Variants in CYTH3 observed in about 807,000 individuals in gnomAD.
The protein encoded by CYTH3 is cytohesin 3.
In CYTH3, 23 loss-of-function variants were observed where a neutral mutation model predicts 55.1. The ratio of observed to expected loss-of-function variants is 0.42; its 90% CI spans 0.30 to 0.59. The LOEUF (loss-of-function observed/expected upper bound fraction) is 0.59. Among genes scored for constraint, CYTH3 ranks in the 20% least tolerant of loss-of-function variants. CYTH3 has a pLI of 0.20. For synonymous variants in CYTH3, 249 were observed against 194.9 expected (o/e 1.28, Z -2.31); for missense variants, 413 against 524.8 (o/e 0.79, Z 2.08).
At chr7:6,196,635 G>GT (rs1035876040) in intron 1 of CYTH3, among the ~76,000 whole-genome samples, 17 of 151,724 alleles carry the variant, frequency 1.1e-4, no homozygotes, top group African/African-American at 4.1e-4. Flanking sequence ...AATTTTCTAT[G>GT]TTTTTAGTAG....
chr7:6,269,169 G>C (rs1341426063), intron 1 of CYTH3, among the ~76,000 whole-genome samples: 1 of 152,136 alleles, frequency 6.6e-6, no homozygotes, highest in Non-Finnish European at 1.5e-5. Context: ...GCAGGGGTGA[G>C]TCCCTGCAGG....
rs543591700 is a variant in CYTH3 at position 6,186,918 on chromosome 7, T to A, written c.249+132A>T. On this transcript the variant is annotated intron_variant, in intron 4 of 12. Transcript: ENST00000350796. ...GCGAAAAGCCCCTTTTTGATAAAAATGTGCCTTCAACTCCCAGTCTTTTAT... is the reference window on the plus strand; with the variant it reads ...GCGAAAAGCCCCTTTTTGATAAAAAAGTGCCTTCAACTCCCAGTCTTTTAT... 9 of 879,424 alleles carry A rather than the reference T, an allele frequency of 1.0e-5. No individual in the cohort carries two copies. In the East Asian group the frequency reaches 1.7e-4, roughly 17 times the overall value. 54.5% of individuals were successfully genotyped at this position (879,424 alleles called of 1,614,324 possible).
intron 1 of CYTH3, among the ~76,000 whole-genome samples, chr7:6,229,045 G>C (rs969602084): frequency 6.6e-6 from 1 of 152,150 alleles, no homozygotes; most frequent in African/African-American, 2.4e-5. Flanking sequence ...CACCCCCTCT[G>C]AGCAGAGGGA....
At chr7:6,186,910 G>A (rs1443344841) in intron 4 of CYTH3, 140 bp downstream of exon 4, 1 of 841,932 alleles carries the variant, frequency 1.2e-6, no homozygotes, top group Non-Finnish European at 1.9e-6. Context: ...GCCCCTTTTT[G>A]ATAAAAATGT....
At chr7:6,189,918 C>G (rs2128543927) in intron 2 of CYTH3, among the ~76,000 whole-genome samples, 1 of 152,152 alleles carries the variant, frequency 6.6e-6, no homozygotes, top group East Asian at 1.9e-4. Context: ...TGCCTGTAAT[C>G]TCAGATACTC....
At chr7:6,236,544 C>T (rs1779529265) in intron 1 of CYTH3, among the ~76,000 whole-genome samples, 1 of 148,474 alleles carries the variant, frequency 6.7e-6, no homozygotes. Flanking sequence ...AAGTCCACCA[C>T]CCCTCTTTTT....
intron 1 of CYTH3, among the ~76,000 whole-genome samples, chr7:6,264,415 C>A (rs1199128622): frequency 6.6e-6 from 1 of 152,186 alleles, no homozygotes; most frequent in Non-Finnish European, 1.5e-5. Context: ...AGTTCGAGAG[C>A]AGCCTAGCCA....
intron 1 of CYTH3, among the ~76,000 whole-genome samples, chr7:6,271,594 CCT>C (rs1345986774): frequency 6.6e-6 from 1 of 152,164 alleles, no homozygotes; most frequent in African/African-American, 2.4e-5. Context: ...GAGGCACGTT[CCT>C]CTGTTTTTAA....
chr7:6,259,797 ATATATATATATATATAAT>A lies in CYTH3; in HGVS notation c.34+12659_34+12676del, dbSNP rs1562417805. Reference sequence around the variant, plus strand: ...TTATATATATATAATATATATATATATATATATATATATATAATATATATATATATATATATTTTTTTT... The same window carrying A: ...TTATATATATATAATATATATATATAATATATATATATATATATTTTTTTT... On this transcript the variant is annotated intron_variant, in intron 1 of 12. Transcript: ENST00000350796. 8.5e-3 allele frequency among the ~76,000 whole-genome samples: 174 copies of A among 20,482 alleles called. 1 individual carries two copies. Among genetic ancestry groups the A allele is most frequent in the Middle Eastern group, 0.021 (1 of 48 alleles). 13.4% of individuals were successfully genotyped at this position (20,482 alleles called of 152,430 possible).
At chr7:6,235,051 A>G (rs890804344) in intron 1 of CYTH3, among the ~76,000 whole-genome samples, 43 of 151,676 alleles carry the variant, frequency 2.8e-4, no homozygotes, top group African/African-American at 1.0e-3. Context: ...CACACCCACC[A>G]CTCACTCCCC....
chr7:6,244,519 C>G (rs1779755551), intron 1 of CYTH3, among the ~76,000 whole-genome samples: 1 of 152,198 alleles, frequency 6.6e-6, no homozygotes, highest in Non-Finnish European at 1.5e-5. Flanking sequence ...TGCTGGAGAG[C>G]AGTGGCACAA....
chr7:6,191,437 T>C (rs966483973), intron 1 of CYTH3, among the ~76,000 whole-genome samples: 25 of 152,198 alleles, frequency 1.6e-4, no homozygotes, highest in African/African-American at 5.5e-4. Flanking sequence ...GTTATTTATA[T>C]GGAAAAAATA....
chr7:6,184,899 A>G (rs184571837), intron 4 of CYTH3, among the ~76,000 whole-genome samples: 2 of 152,298 alleles, frequency 1.3e-5, no homozygotes, highest in East Asian at 3.9e-4. Flanking sequence ...CCTTTAAAAA[A>G]TAAGTATTTA....
At chr7:6,181,751 G>A (rs1035502756) in intron 4 of CYTH3, among the ~76,000 whole-genome samples, 4 of 151,876 alleles carry the variant, frequency 2.6e-5, no homozygotes, top group African/African-American at 9.7e-5. Flanking sequence ...ATGAAATTTG[G>A]GCTGCTGGAC....
In CYTH3 at chr7:6,255,764, T is replaced by C. The variant is rs981426263; in HGVS notation, c.34+16710A>G. On this transcript the variant is annotated intron_variant, in intron 1 of 12. Transcript: ENST00000350796. ...CAAGTTTGACCTTTAATCTGTTTTT[T>C]TTTTTTTTTTTTTTTTTGAGATGGA... Among the ~76,000 whole-genome samples the C allele has an allele frequency of 2.8e-3, 395 of 142,092 alleles. 1 individual carries two copies. The highest frequency in any genetic ancestry group is 0.01 in the African/African-American group (373 of 36,826). 93.2% of individuals were successfully genotyped at this position (142,092 alleles called of 152,430 possible). A position where few individuals can be genotyped will look rare whatever the true frequency, so the allele number is the denominator to read the frequency against.
At chr7:6,220,072 G>T (rs1389923939) in intron 1 of CYTH3, among the ~76,000 whole-genome samples, 1 of 151,014 alleles carries the variant, frequency 6.6e-6, no homozygotes, top group Non-Finnish European at 1.5e-5. Context: ...TTTTTTTTTT[G>T]GTAGAGACGG....
intron 1 of CYTH3, among the ~76,000 whole-genome samples, chr7:6,191,485 A>T (rs533462590): frequency 1.3e-5 from 2 of 152,190 alleles, no homozygotes; most frequent in African/African-American, 4.8e-5. Flanking sequence ...CATATTTTCA[A>T]TCAATTACAA....
intron 1 of CYTH3, among the ~76,000 whole-genome samples, chr7:6,199,173 G>A (rs144979213): frequency 6.6e-6 from 1 of 152,180 alleles, no homozygotes; most frequent in African/African-American, 2.4e-5. Flanking sequence ...CAAAATCCTT[G>A]CCTTTCTCAG....
chr7:6,203,384 A>G (rs1175511378), intron 1 of CYTH3, among the ~76,000 whole-genome samples: 1 of 152,196 alleles, frequency 6.6e-6, no homozygotes, highest in Non-Finnish European at 1.5e-5. Context: ...AAAACTAAAC[A>G]ACTGCTACTC....
Sources: allele counts gnomAD v4.1 joint callset (sites outside exome capture counted in the v4.1 genomes callset), GRCh38; gene constraint gnomAD v4.1.1; transcripts MANE v1.5; gene names NCBI Gene and HGNC (gene_info 2026-07-23, HGNC 2026-07-21).